The following RBFOX1 variants were observed in gnomAD, a reference collection of about 807,000 sequenced individuals.
RBFOX1 encodes the protein RNA binding fox-1 homolog 1.
In RBFOX1, 8 loss-of-function variants were observed where a neutral mutation model predicts 57.7. That is an observed-to-expected ratio of 0.14 (90% CI 0.08 to 0.25). The LOEUF is 0.25. RBFOX1 is among the 10% of genes least tolerant of loss of function. The pLI is 1.00. For missense variants in RBFOX1, 611 were observed against 548.5 expected (o/e 1.11, Z -1.14); for synonymous variants, 326 against 222.4 (o/e 1.47, Z -4.15).
intron 2 of RBFOX1, among the ~76,000 whole-genome samples, chr16:6,506,436 G>T (rs892710482): frequency 1.3e-5 from 2 of 152,006 alleles, no homozygotes; most frequent in Non-Finnish European, 2.9e-5. Flanking sequence ...AAAGGAGAGG[G>T]TTTCGTGGTC....
chr16:6,749,934 C>T (rs1011700179), intron 3 of RBFOX1, among the ~76,000 whole-genome samples: 1 of 152,152 alleles, frequency 6.6e-6, no homozygotes, highest in African/African-American at 2.4e-5. Context: ...CTGACTGTGT[C>T]AGGGTGTTCA....
At chr16:6,663,341 A>T (rs185068103) in intron 3 of RBFOX1, among the ~76,000 whole-genome samples, 1 of 152,150 alleles carries the variant, frequency 6.6e-6, no homozygotes, top group African/African-American at 2.4e-5. Context: ...AACACTGACA[A>T]TGGATTGATC....
At chr16:5,622,431 C>G (rs2048226330) in intron 3 of RBFOX1, among the ~76,000 whole-genome samples, 1 of 152,162 alleles carries the variant, frequency 6.6e-6, no homozygotes, top group Admixed American at 6.5e-5. Context: ...CGTAGTAAGC[C>G]CTTGGTAAAT....
At chr16:7,495,746 G>C (rs971503101) in intron 4 of RBFOX1, among the ~76,000 whole-genome samples, 11 of 151,960 alleles carry the variant, frequency 7.2e-5, no homozygotes, top group African/African-American at 2.4e-4. Flanking sequence ...CTACACATTG[G>C]GTACAGTACA....
At chr16:5,833,041 A>T (rs528293449) in intron 3 of RBFOX1, among the ~76,000 whole-genome samples, 10 of 152,272 alleles carry the variant, frequency 6.6e-5, no homozygotes, top group Non-Finnish European at 1.5e-4. Context: ...ACAATTTTCC[A>T]TTCAATTTCA....
intron 2 of RBFOX1, among the ~76,000 whole-genome samples, chr16:5,483,192 G>A (rs1169531803): frequency 6.6e-6 from 1 of 152,164 alleles, no homozygotes; most frequent in African/African-American, 2.4e-5. Flanking sequence ...GTCCTTGATG[G>A]CTTGGATTTC....
rs192212641 is a variant in RBFOX1, at chr16:6,301,745, A to C, written c.-126-15250A>C. 1.9e-3 allele frequency among the ~76,000 whole-genome samples: 296 copies of C among 152,318 alleles called. 2 individuals are homozygous for C. The highest frequency in any genetic ancestry group is 0.013 in the South Asian group (61 of 4,826). On this transcript the variant is annotated intron_variant, in intron 1 of 15. Coordinates refer to ENST00000550418, the MANE Select transcript of RBFOX1 (RefSeq NM_018723.4). ...GCAAATGCTCTGTAACTTAATGCTC[A>C]ATAAATGCTAGAATATGCTTCTACT...
At chr16:7,415,234 A>G (rs1597863946) in intron 4 of RBFOX1, among the ~76,000 whole-genome samples, 2 of 152,202 alleles carry the variant, frequency 1.3e-5, no homozygotes, top group Admixed American at 6.5e-5. Context: ...TGTCTGGGGT[A>G]TTAAGGTTTT....
intron 4 of RBFOX1, among the ~76,000 whole-genome samples, chr16:5,964,578 T>C (rs901660960): frequency 6.6e-6 from 1 of 152,136 alleles, no homozygotes; most frequent in African/African-American, 2.4e-5. Flanking sequence ...TGTATCTATG[T>C]GTGTATATAT....
chr16:6,868,324 C>T (rs1443384572), intron 3 of RBFOX1, among the ~76,000 whole-genome samples: 1 of 152,068 alleles, frequency 6.6e-6, no homozygotes, highest in Non-Finnish European at 1.5e-5. Context: ...GATGGTAAAA[C>T]AGAGTGGATT....
At chr16:7,473,807 T>G (rs1480612242) in intron 4 of RBFOX1, among the ~76,000 whole-genome samples, 1 of 152,148 alleles carries the variant, frequency 6.6e-6, no homozygotes, top group Non-Finnish European at 1.5e-5. Context: ...TCTCATCTAC[T>G]AATTGCTTTC....
At chr16:7,414,287 G>C (rs2098458267) in intron 4 of RBFOX1, among the ~76,000 whole-genome samples, 1 of 152,212 alleles carries the variant, frequency 6.6e-6, no homozygotes, top group Non-Finnish European at 1.5e-5. Context: ...CTTACACAAG[G>C]AACTCTATGT....
intron 3 of RBFOX1, among the ~76,000 whole-genome samples, chr16:6,814,420 G>T (rs974262174): frequency 6.6e-6 from 1 of 152,156 alleles, no homozygotes; most frequent in African/African-American, 2.4e-5. Context: ...TGTGTGTCAA[G>T]CCTGACATTG....
At chr16:7,222,254 G>C (rs1419717920) in intron 4 of RBFOX1, among the ~76,000 whole-genome samples, 6 of 152,172 alleles carry the variant, frequency 3.9e-5, no homozygotes, top group Non-Finnish European at 2.9e-5. Flanking sequence ...TACTTTACAT[G>C]AGGGCAAGGA....
chr16:7,333,463 G>T (rs969201773), intron 4 of RBFOX1, among the ~76,000 whole-genome samples: 1 of 152,162 alleles, frequency 6.6e-6, no homozygotes, highest in African/African-American at 2.4e-5. Flanking sequence ...TCAGTTAAGA[G>T]CTTTAACCCA....
intron 4 of RBFOX1, among the ~76,000 whole-genome samples, chr16:7,210,626 A>G (rs1036554069): frequency 6.6e-6 from 1 of 152,200 alleles, no homozygotes; most frequent in Admixed American, 6.5e-5. Flanking sequence ...GATGATGACA[A>G]CTGCTACTCT....
At chr16:5,523,056 G>A (rs2044083087) in intron 2 of RBFOX1, among the ~76,000 whole-genome samples, 1 of 152,168 alleles carries the variant, frequency 6.6e-6, no homozygotes, top group Non-Finnish European at 1.5e-5. Context: ...GGGAGGCTGA[G>A]CTGGGTGGAT....
intron 4 of RBFOX1, among the ~76,000 whole-genome samples, chr16:7,194,760 TC>T (rs2086268561): frequency 6.6e-6 from 1 of 151,640 alleles, no homozygotes; most frequent in African/African-American, 2.4e-5. Context: ...AAACCTCATC[TC>T]TACAAAAACT....
intron 3 of RBFOX1, among the ~76,000 whole-genome samples, chr16:5,781,326 T>C (rs964179405): frequency 7.2e-5 from 11 of 152,314 alleles, no homozygotes; most frequent in Admixed American, 2.0e-4. Flanking sequence ...CTTGACTCTA[T>C]TGACTCTATT....
Sources: allele counts gnomAD v4.1 joint callset (sites outside exome capture counted in the v4.1 genomes callset), GRCh38; gene constraint gnomAD v4.1.1; transcripts MANE v1.5; gene names NCBI Gene and HGNC (gene_info 2026-07-23, HGNC 2026-07-21).